Variants in PEA15 observed in about 807,000 individuals in gnomAD.
PEA15 encodes the protein proliferation and apoptosis adaptor protein 15.
For synonymous variants in PEA15, 60 were observed against 61.8 expected, an observed-to-expected ratio of 0.97 and a Z score of 0.13; for missense variants, 77 against 161.3, an observed-to-expected ratio of 0.48 and a Z score of 2.83.
Position 160,211,814 on chromosome 1 carries a change from T to C in PEA15, c.172+98T>C. ...TCAAAGCTTTTACATCCACAATGTGTACCCCTCTATAGCAAGGCAGAAGAG... is the reference window on the plus strand; with the variant it reads ...TCAAAGCTTTTACATCCACAATGTGCACCCCTCTATAGCAAGGCAGAAGAG... On this transcript the variant is annotated intron_variant, in intron 2 of 3. Transcript: ENST00000360472. 3 of 1,142,284 alleles carry C rather than the reference T, an allele frequency of 2.6e-6. No homozygotes were observed. The South Asian group carries it at 4.5e-5, about 17-fold the overall frequency. The allele number at this position is 1,142,284 out of a possible 1,614,324, so 70.8% of individuals were successfully genotyped here.
In PEA15 at chr1:160,205,394, G is replaced by A. The variant is rs1049636514; in HGVS notation, c.-131G>A. On this transcript the variant is annotated 5_prime_UTR_variant, in exon 1 of 4. Transcript: ENST00000360472. The surrounding 1 kb of genome is among the most constrained non-coding windows in gnomAD (Gnocchi z 5.9). ...CTGGGCTCGGGCTCCGGCTCCGCGGGCGGAAGAGGCGGCGGCGGCGGCAGA... is the reference window on the plus strand; with the variant it reads ...CTGGGCTCGGGCTCCGGCTCCGCGGACGGAAGAGGCGGCGGCGGCGGCAGA... 2.9e-4 allele frequency: 55 copies of A among 187,844 alleles called. No individual in the cohort carries two copies. Among genetic ancestry groups the A allele is most frequent in the African/African-American group, 1.3e-3 (54 of 41,780 alleles). The allele number at this position is 187,844 out of a possible 1,614,324, so 11.6% of individuals were successfully genotyped here.
intron 1 of PEA15, 54 bp from the exon 2 acceptor site, chr1:160,211,489 C>A: frequency 6.6e-7 from 1 of 1,523,530 alleles, no homozygotes; most frequent in Non-Finnish European, 8.9e-7. Flanking sequence ...GTGAGTAAAC[C>A]AGACTCCATA....
At position 160,215,094 on chromosome 1, in the gene PEA15, G is replaced by A. The variant is rs760587164; in HGVS notation, c.*1608G>A. 12 of 152,664 alleles carry A rather than the reference G, an allele frequency of 7.9e-5. No homozygotes were observed. The highest frequency in any genetic ancestry group is 1.6e-4 in the Non-Finnish European group (11 of 68,054). 9.5% of individuals were successfully genotyped at this position (152,664 alleles called of 1,614,324 possible). A position where few individuals can be genotyped will look rare whatever the true frequency, so the allele number is the denominator to read the frequency against. Reference sequence around the variant, plus strand: ...GAGAGAGATACTTGTAGAATTGGGTGGGGGGAATGAGCATGAACTGTCCTT... The same window carrying A: ...GAGAGAGATACTTGTAGAATTGGGTAGGGGGAATGAGCATGAACTGTCCTT... On this transcript the variant is annotated 3_prime_UTR_variant, in exon 4 of 4. Transcript: ENST00000360472.
At chr1:160,207,964 C>G (rs558594342) in intron 1 of PEA15, among the ~76,000 whole-genome samples, 18 of 152,346 alleles carry the variant, frequency 1.2e-4, no homozygotes, top group Admixed American at 8.5e-4. Flanking sequence ...CCCCTCCCCT[C>G]AGGCTTAGGC....
intron 2 of PEA15, among the ~76,000 whole-genome samples, chr1:160,212,001 T>A (rs1654892592): frequency 1.3e-5 from 2 of 152,224 alleles, no homozygotes; most frequent in African/African-American, 4.8e-5. Flanking sequence ...GGAAGAATTC[T>A]AGACAATAAA....
At chr1:160,209,510 G>GACAC (rs111598251) in intron 1 of PEA15, among the ~76,000 whole-genome samples, 266 of 146,688 alleles carry the variant, frequency 1.8e-3, no homozygotes, top group African/African-American at 5.6e-3. Context: ...AACTCCTCCC[G>GACAC]ACACACACAC....
chr1:160,212,741 ATACT>A (rs999492138), intron 2 of PEA15, among the ~76,000 whole-genome samples: 2 of 133,266 alleles, frequency 1.5e-5, no homozygotes, highest in African/African-American at 5.7e-5. Flanking sequence ...GCAAATTCTG[ATACT>A]TACTTGGATG....
chr1:160,212,225 G>T (rs72706661), intron 2 of PEA15, among the ~76,000 whole-genome samples: 3,227 of 152,188 alleles, frequency 0.021, 55 homozygotes, highest in Middle Eastern at 0.034. Flanking sequence ...GGAAGAATTG[G>T]TGTTTAAGAT....
chr1:160,211,775 A>G (rs1654885601), intron 2 of PEA15, 59 bp downstream of exon 2: 6 of 1,521,334 alleles, frequency 3.9e-6, no homozygotes, highest in Admixed American at 1.7e-5. Context: ...TTCATTCAGC[A>G]AATAGAGATG....
At position 160,208,892 on chromosome 1, in the gene PEA15, G is replaced by A. The variant is rs1464822262; in HGVS notation, c.-2-2651G>A. On this transcript the variant is annotated intron_variant, in intron 1 of 3. Coordinates refer to ENST00000360472, the MANE Select transcript of PEA15 (RefSeq NM_003768.5). This position sits in a 1 kb window ranked among gnomAD's most constrained non-coding sequence, Gnocchi z 4.1. Reference sequence around the variant, plus strand: ...AGTGGTGTCATCCTAACGACTGGGGGTGGGGGGCACCCAGAACTGAGGTTG... The same window carrying A: ...AGTGGTGTCATCCTAACGACTGGGGATGGGGGGCACCCAGAACTGAGGTTG... 5.5e-6 allele frequency: 3 copies of A among 544,746 alleles called. No homozygotes were observed. The highest frequency in any genetic ancestry group is 9.9e-6 in the Non-Finnish European group (3 of 304,234). 33.7% of individuals were successfully genotyped at this position (544,746 alleles called of 1,614,324 possible). A position where few individuals can be genotyped will look rare whatever the true frequency, so the allele number is the denominator to read the frequency against.
chr1:160,214,082 G>T lies in PEA15; in HGVS notation c.*596G>T, dbSNP rs1392780389. The T allele has an allele frequency of 1.3e-5, 2 of 156,494 alleles. No individual in the cohort carries two copies. Among genetic ancestry groups the T allele is most frequent in the African/African-American group, 2.4e-5 (1 of 41,366 alleles). 9.7% of individuals were successfully genotyped at this position (156,494 alleles called of 1,614,324 possible). A position where few individuals can be genotyped will look rare whatever the true frequency, so the allele number is the denominator to read the frequency against. On this transcript the variant is annotated 3_prime_UTR_variant, in exon 4 of 4. Coordinates refer to ENST00000360472, the MANE Select transcript of PEA15 (RefSeq NM_003768.5). ...GGTATGAGCCAGGGATCCTTTCCTG[G>T]TCCCTAAGATCAAACCCCATGGAGC...
At chr1:160,212,978 C>T in intron 2 of PEA15, 132 bp from the exon 3 acceptor site, 1 of 817,968 alleles carries the variant, frequency 1.2e-6, no homozygotes, top group East Asian at 2.5e-5. Flanking sequence ...AGTAGCCCCT[C>T]TTCCTCCAGT....
rs182003165 is a variant in PEA15, at chr1:160,210,551, C to G, written c.-2-992C>G. Among the ~76,000 whole-genome samples, 167 of 152,302 alleles carry G rather than the reference C, an allele frequency of 1.1e-3. 1 individual carries two copies. Among genetic ancestry groups the G allele is most frequent in the African/African-American group, 3.9e-3 (162 of 41,568 alleles). ...TGTTCTCTACTTCTCACCTAAGGATCATGAAAGAGGGATAGGGTGAAAGCC... is the reference window on the plus strand; with the variant it reads ...TGTTCTCTACTTCTCACCTAAGGATGATGAAAGAGGGATAGGGTGAAAGCC... On this transcript the variant is annotated intron_variant, in intron 1 of 3. Coordinates refer to ENST00000360472, the MANE Select transcript of PEA15 (RefSeq NM_003768.5).
intron 1 of PEA15, among the ~76,000 whole-genome samples, chr1:160,207,497 T>G (rs1654649683): frequency 6.6e-6 from 1 of 152,192 alleles, no homozygotes; most frequent in Non-Finnish European, 1.5e-5. Flanking sequence ...ATGCCCCATC[T>G]TGGGTCTGGC....
At chr1:160,206,332 G>A (rs1163968854) in intron 1 of PEA15, 3 of 152,204 alleles carry the variant, frequency 2.0e-5, no homozygotes, top group Admixed American at 1.3e-4. Flanking sequence ...TGATTTTCTG[G>A]CAGCTTTTCC....
At chr1:160,209,801 C>A (rs1654793016) in intron 1 of PEA15, among the ~76,000 whole-genome samples, 1 of 152,188 alleles carries the variant, frequency 6.6e-6, no homozygotes, top group Non-Finnish European at 1.5e-5. Flanking sequence ...CCCCCTCCTT[C>A]TGTCCTTGGA....
chr1:160,208,341 C>A lies in PEA15; in HGVS notation c.-3+2819C>A. 1 of 485,446 alleles carries A rather than the reference C, an allele frequency of 2.1e-6. No homozygotes were observed. Among genetic ancestry groups the A allele is most frequent in the Non-Finnish European group, 3.8e-6 (1 of 266,456 alleles). 30.1% of individuals were successfully genotyped at this position (485,446 alleles called of 1,614,324 possible). ...GGGCCAGCTTGGAAGGAGAGGGAGG[C>A]AGGAAGGAAGGAAGGTGTGAGGAAG... On this transcript the variant is annotated intron_variant, in intron 1 of 3. Transcript: ENST00000360472. The surrounding 1 kb of genome is among the most constrained non-coding windows in gnomAD (Gnocchi z 4.1).
At chr1:160,210,224 A>C (rs1654813405) in intron 1 of PEA15, among the ~76,000 whole-genome samples, 1 of 152,234 alleles carries the variant, frequency 6.6e-6, no homozygotes, top group Non-Finnish European at 1.5e-5. Flanking sequence ...TTGATCTGCC[A>C]CATTCCCAGC....
Position 160,205,460 on chromosome 1 carries a change from G to T in PEA15, c.-65G>T. 5.4e-6 allele frequency: 1 copy of T among 184,296 alleles called. No individual in the cohort carries two copies. Among genetic ancestry groups the T allele is most frequent in the South Asian group, 1.1e-4 (1 of 8,914 alleles). 11.4% of individuals were successfully genotyped at this position (184,296 alleles called of 1,614,324 possible). Reference sequence around the variant, plus strand: ...GGCGGGAGCCGAGGAGGAGGTTCCGGACGCTGCTTAGGAACCGGGGACTCA... The same window carrying T: ...GGCGGGAGCCGAGGAGGAGGTTCCGTACGCTGCTTAGGAACCGGGGACTCA... On this transcript the variant is annotated 5_prime_UTR_variant, in exon 1 of 4. Coordinates refer to ENST00000360472, the MANE Select transcript of PEA15 (RefSeq NM_003768.5). This position sits in a 1 kb window ranked among gnomAD's most constrained non-coding sequence, Gnocchi z 5.9.
Sources: allele counts gnomAD v4.1 joint callset (sites outside exome capture counted in the v4.1 genomes callset), GRCh38; gene constraint gnomAD v4.1.1; non-coding constraint Gnocchi (gnomAD v3.1); transcripts MANE v1.5; gene names NCBI Gene and HGNC (gene_info 2026-07-23, HGNC 2026-07-21).